NPHP1: variants seen among roughly 807,000 people sequenced by gnomAD.
NPHP1 encodes the protein nephrocystin 1.
In NPHP1, 70 loss-of-function variants were observed where a neutral mutation model predicts 90.4. The ratio of observed to expected loss-of-function variants is 0.77; its 90% confidence interval spans 0.64 to 0.95. The LOEUF (loss-of-function observed/expected upper bound fraction) is 0.95. NPHP1 is among the 40% of genes least tolerant of loss of function. The pLI is 0.00. For missense variants in NPHP1, 764 were observed against 795.9 expected, an observed-to-expected ratio of 0.96 and a Z score of 0.48; for synonymous variants, 256 against 271.7, an observed-to-expected ratio of 0.94 and a Z score of 0.57.
At chr2:110,196,717 T>C (rs374195726) in intron 2 of NPHP1, among the ~76,000 whole-genome samples, 1 of 152,136 alleles carries the variant, frequency 6.6e-6, no homozygotes, top group South Asian at 2.1e-4. Flanking sequence ...ATGTTTATTG[T>C]GGCACTATTC....
chr2:110,137,581 T>C (rs1048335415), intron 16 of NPHP1, among the ~76,000 whole-genome samples: 1 of 152,146 alleles, frequency 6.6e-6, no homozygotes, highest in African/African-American at 2.4e-5. Context: ...AAAATGCTCA[T>C]GATCACTGGC....
At chr2:110,191,091 C>T (rs907399761) in intron 2 of NPHP1, among the ~76,000 whole-genome samples, 1 of 152,224 alleles carries the variant, frequency 6.6e-6, no homozygotes, top group Middle Eastern at 3.4e-3. Flanking sequence ...GAGTGAGTGA[C>T]GCAGAAGATG....
chr2:110,204,830 G>C, intron 1 of NPHP1, 70 bp downstream of exon 1: 2 of 1,523,264 alleles, frequency 1.3e-6, no homozygotes, highest in Admixed American at 1.7e-5. Context: ...GTCACGGTGG[G>C]AAGGCGCAGT....
intron 11 of NPHP1, among the ~76,000 whole-genome samples, chr2:110,159,873 G>T (rs755292906): frequency 6.6e-6 from 1 of 151,566 alleles, no homozygotes; most frequent in African/African-American, 2.4e-5. Context: ...TGATTTGCTA[G>T]CTTAGATCAC....
At chr2:110,163,848 G>A (rs1559075116) in intron 8 of NPHP1, 1 of 153,658 alleles carries the variant, frequency 6.5e-6, no homozygotes, top group Non-Finnish European at 1.4e-5. Context: ...TTTAGTCGAG[G>A]TGAGGTTTCG....
At chr2:110,125,362 C>A (rs1389816420) in intron 19 of NPHP1, 2 of 1,503,896 alleles carry the variant, frequency 1.3e-6, no homozygotes, top group Admixed American at 2.3e-5. Context: ...ATTTGATACA[C>A]AACTGAGAGA....
intron 2 of NPHP1, among the ~76,000 whole-genome samples, chr2:110,196,163 T>C (rs1360536049): frequency 6.6e-6 from 1 of 151,926 alleles, no homozygotes; most frequent in East Asian, 1.9e-4. Context: ...TGGGATCTAA[T>C]TAAACTAAAG....
chr2:110,184,551 C>T, intron 2 of NPHP1: 1 of 1,309,396 alleles, frequency 7.6e-7, no homozygotes, highest in Non-Finnish European at 1.1e-6. Context: ...TGGCATCACC[C>T]ATGCTGTGCC....
In NPHP1 at chr2:110,179,672, T is replaced by A; in HGVS notation, c.156A>T (p.Leu52Phe). 7.4e-7 allele frequency: 1 copy of A among 1,344,798 alleles called. No individual in the cohort carries two copies. Among genetic ancestry groups the A allele is most frequent in the Non-Finnish European group, 1.1e-6 (1 of 941,282 alleles). The allele number at this position is 1,344,798 out of a possible 1,614,324, so 83.3% of individuals were successfully genotyped here. ...TTTTATTTTCATCTATTGCCTGCTT[T>A]AACTGGATACATCTAAATTAAGAAA... is the stretch of plus-strand genomic sequence containing the variant. ...RQHIYQRCIQ[L>F]KQAIDENKNA... Residue 52 changes from leucine (L) to phenylalanine (F), a missense_variant, in exon 3 of 20, where the codon TTA becomes TTT. Coordinates refer to ENST00000445609, the MANE Select transcript of NPHP1 (RefSeq NM_001128178.3).
intron 3 of NPHP1, 143 bp from the exon 4 acceptor site, chr2:110,178,690 G>A: frequency 4.4e-6 from 3 of 681,144 alleles, no homozygotes; most frequent in Non-Finnish European, 7.1e-6. Context: ...AAATAAATTA[G>A]ATTTAAAAGA....
chr2:110,183,602 G>A (rs190731225), intron 2 of NPHP1, among the ~76,000 whole-genome samples: 110 of 152,154 alleles, frequency 7.2e-4, no homozygotes, highest in African/African-American at 2.2e-3. Flanking sequence ...CTCTAGCGCC[G>A]CTGGGTTAGG....
chr2:110,185,912 G>A (rs1450840275), intron 2 of NPHP1, among the ~76,000 whole-genome samples: 1 of 152,168 alleles, frequency 6.6e-6, no homozygotes, highest in African/African-American at 2.4e-5. Context: ...AGTTTAAGGT[G>A]CCTGCTGATT....
At chr2:110,184,925 C>T in intron 2 of NPHP1, 1 of 681,958 alleles carries the variant, frequency 1.5e-6, no homozygotes, top group Non-Finnish European at 2.8e-6. Flanking sequence ...GTTCGCCATC[C>T]AGAAGTCAGA....
chr2:110,179,589 G>T, intron 3 of NPHP1, 35 bp downstream of exon 3: 1 of 966,486 alleles, frequency 1.0e-6, no homozygotes, highest in Non-Finnish European at 1.7e-6. Context: ...TATAGGAAGA[G>T]ATGTTTTAAT....
chr2:110,129,155 G>C, intron 18 of NPHP1, 31 bp downstream of exon 18: 2 of 1,551,354 alleles, frequency 1.3e-6, no homozygotes, highest in South Asian at 1.1e-5. Context: ...CCATAAGCCA[G>C]CAGGTTTCCA....
chr2:110,168,460 A>G lies in NPHP1; in HGVS notation c.616T>C (p.Tyr206His). 6.2e-7 allele frequency: 1 copy of G among 1,607,264 alleles called. No homozygotes were observed. Residue 206 changes from tyrosine (Y) to histidine (H), a missense_variant, in exon 6 of 20, where the codon TAC becomes CAC. Transcript: ENST00000445609. Reference protein sequence around the residue: ...KGNEGLVPRTYLEPYSEEEEG... With the variant: ...KGNEGLVPRTHLEPYSEEEEG... ...CATAAACCAAGACTAACCTCTAGGTAGGTTCTGGGAACAAGACCTTCATTT... is the reference window on the plus strand; with the variant it reads ...CATAAACCAAGACTAACCTCTAGGTGGGTTCTGGGAACAAGACCTTCATTT...
intron 2 of NPHP1, among the ~76,000 whole-genome samples, chr2:110,198,241 G>C (rs944634537): frequency 3.9e-5 from 6 of 152,124 alleles, no homozygotes; most frequent in Non-Finnish European, 7.4e-5. Context: ...TGAGTCAGCA[G>C]ACATAAAGGA....
In NPHP1 at chr2:110,160,134, C is replaced by T; in HGVS notation, c.1076G>A (p.Gly359Asp). 1.2e-6 allele frequency: 2 copies of T among 1,613,008 alleles called. No homozygotes were observed. Among genetic ancestry groups the T allele is most frequent in the Non-Finnish European group, 1.7e-6 (2 of 1,179,182 alleles). Residue 359 changes from glycine to aspartate, a missense_variant, in exon 11 of 20, where the codon GGT (glycine) becomes GAT (aspartate). By Grantham distance (94) the Gly-to-Asp change is moderately conservative (BLOSUM62 -1). Coordinates refer to ENST00000445609, the MANE Select transcript of NPHP1 (RefSeq NM_001128178.3). ...SRHVRLCLFDGNKVLSNIHTV... is the reference protein window; with the variant it reads ...SRHVRLCLFDDNKVLSNIHTV... The stretch of plus-strand genomic sequence containing the variant: ...ACTTCTCAGTAACCTTACCTTATTA[C>T]CATCAAATAGACAGAGGCGTACATG...
intron 4 of NPHP1, among the ~76,000 whole-genome samples, chr2:110,170,973 G>A (rs1683092028): frequency 6.6e-6 from 1 of 152,072 alleles, no homozygotes; most frequent in South Asian, 2.1e-4. Context: ...TACCTTTAAA[G>A]TCGCCCCTAA....
Sources: allele counts gnomAD v4.1 joint callset (sites outside exome capture counted in the v4.1 genomes callset), GRCh38; gene constraint gnomAD v4.1.1; transcripts MANE v1.5; gene names NCBI Gene and HGNC (gene_info 2026-07-23, HGNC 2026-07-21).